The following FAM178B variants were observed in gnomAD, a reference collection of about 807,000 sequenced individuals.
FAM178B encodes protein FAM178B.
In FAM178B, 82 loss-of-function variants were observed where a neutral mutation model predicts 91.7. The observed-to-expected ratio is 0.89, with a 90% CI of 0.75 to 1.07. The LOEUF (loss-of-function observed/expected upper bound fraction) is 1.07, where lower values mean the gene tolerates loss of function less well. Ranked by LOEUF, FAM178B falls within the 50% of genes least tolerant of loss-of-function variation. FAM178B has a pLI of 0.00. For missense variants in FAM178B, 769 were observed against 846.7 expected (o/e 0.91, Z 1.14); for synonymous variants, 368 against 359.4 (o/e 1.02, Z -0.27).
intron 12 of FAM178B, among the ~76,000 whole-genome samples, chr2:96,913,530 G>C (rs1162774944): frequency 1.3e-5 from 2 of 152,194 alleles, no homozygotes; most frequent in Admixed American, 1.3e-4. Flanking sequence ...AGGGAAACGA[G>C]GGTTTCGAGG....
In FAM178B at chr2:96,967,521, T is replaced by C; in HGVS notation, c.733A>G (p.Arg245Gly). ...EEEVPLTPEH[R>G]MLVEKYSVSL... is the part of the protein sequence containing the mutation. ...TGGTGCCAGGCCCCTGCCCCTCACCTGTGCTCGGGTGTGAGTGGCACTTCC... is the reference window on the plus strand; with the variant it reads ...TGGTGCCAGGCCCCTGCCCCTCACCCGTGCTCGGGTGTGAGTGGCACTTCC... Residue 245 changes from arginine (R) to glycine (G), a missense_variant and splice_region_variant, in exon 5 of 17, where the codon AGG (arginine) becomes GGG (glycine). Coordinates refer to ENST00000490605, the MANE Select transcript of FAM178B (RefSeq NM_001122646.3). 1 of 1,540,454 alleles carries C rather than the reference T, an allele frequency of 6.5e-7. No homozygotes were observed.
In FAM178B at chr2:96,921,170, C is replaced by G. The variant is rs1241774381; in HGVS notation, c.1557G>C (p.Arg519=). 1 of 1,551,364 alleles carries G rather than the reference C, an allele frequency of 6.4e-7. No homozygotes were observed. The change falls in exon 12 of 17, where the codon CGG becomes CGC. Residue 519 remains arginine, a synonymous_variant. Coordinates refer to ENST00000490605, the MANE Select transcript of FAM178B (RefSeq NM_001122646.3). ...AGCGGGGGAGCAGCACGCACCTGCT[C>G]CGGGAGGTCATGTCTGGGAAGAACT... The part of the protein sequence containing the change: ...LVQFFPDMTS[R]SRRLRSQLSL...
At chr2:96,882,037 T>C (rs571759349) in intron 14 of FAM178B, among the ~76,000 whole-genome samples, 136 of 152,150 alleles carry the variant, frequency 8.9e-4, no homozygotes, top group South Asian at 4.8e-3. Flanking sequence ...GGGTTCCCAG[T>C]AGGGATTTTG....
chr2:96,951,281 G>T (rs1005579257), intron 7 of FAM178B, 98 bp downstream of exon 7: 4 of 839,756 alleles, frequency 4.8e-6, no homozygotes, highest in Non-Finnish European at 7.9e-6. Context: ...AGCACCTAAG[G>T]CAAGAAGAGG....
At chr2:96,901,663 TTGTGTTTAATGAG>T (rs1406494693) in intron 13 of FAM178B, among the ~76,000 whole-genome samples, 1 of 151,734 alleles carries the variant, frequency 6.6e-6, no homozygotes, top group East Asian at 1.9e-4. Flanking sequence ...TGTTGGGGGG[TTGTGTTTAATGAG>T]TGTGGAGTTT....
At chr2:96,903,608 C>CT (rs1283589596) in intron 12 of FAM178B, among the ~76,000 whole-genome samples, 3 of 152,254 alleles carry the variant, frequency 2.0e-5, no homozygotes, top group Non-Finnish European at 4.4e-5. Flanking sequence ...AGGGCCGCCA[C>CT]TACAGCCACT....
At chr2:96,883,850 C>T (rs1345000720) in intron 14 of FAM178B, among the ~76,000 whole-genome samples, 1 of 152,198 alleles carries the variant, frequency 6.6e-6, no homozygotes, top group African/African-American at 2.4e-5. Flanking sequence ...GCTCACAGCC[C>T]TAGCCTGGCT....
chr2:96,878,566 C>T (rs2080304075), intron 14 of FAM178B, 73 bp from the exon 15 acceptor site: 1 of 1,379,882 alleles, frequency 7.2e-7, no homozygotes, highest in Non-Finnish European at 1.0e-6. Flanking sequence ...TCCACCTGCA[C>T]ACTCCCCACT....
At chr2:96,930,184 G>C (rs2081514948) in intron 8 of FAM178B, among the ~76,000 whole-genome samples, 1 of 135,636 alleles carries the variant, frequency 7.4e-6, no homozygotes, top group Non-Finnish European at 1.5e-5. Flanking sequence ...CAGCAGCCTG[G>C]GTGACAGAGC....
chr2:96,983,272 C>G (rs1267733058), intron 1 of FAM178B, among the ~76,000 whole-genome samples: 1 of 152,182 alleles, frequency 6.6e-6, no homozygotes, highest in East Asian at 1.9e-4. Context: ...CATATATATA[C>G]ACATATACAT....
At chr2:96,885,050 GC>G (rs1400033890) in intron 14 of FAM178B, among the ~76,000 whole-genome samples, 1 of 152,240 alleles carries the variant, frequency 6.6e-6, no homozygotes, top group African/African-American at 2.4e-5. Context: ...GGTGGGGCCT[GC>G]CAGGCAAGAC....
At chr2:96,933,724 G>A (rs1311813981) in intron 8 of FAM178B, among the ~76,000 whole-genome samples, 50 of 152,166 alleles carry the variant, frequency 3.3e-4, no homozygotes, top group Admixed American at 3.3e-3. Flanking sequence ...GCACTGGGAG[G>A]GCCAAGCAGC....
rs1158497660 is a variant in FAM178B, at chr2:96,921,232, C to T, written c.1495G>A (p.Val499Met). 4 of 1,551,466 alleles carry T rather than the reference C, an allele frequency of 2.6e-6. No individual in the cohort carries two copies. Among genetic ancestry groups the T allele is most frequent in the Non-Finnish European group, 2.6e-6 (3 of 1,146,972 alleles). ...AGCAGGTTGTGGTGGTGGTCAGACA[C>T]CCAGCTCAGGGTGCAGCACAGTTCC... is the stretch of plus-strand genomic sequence containing the variant. Reference protein sequence around the residue: ...LQELCCTLSWVSDHHHNLLAL... With the variant: ...LQELCCTLSWMSDHHHNLLAL... The change falls in exon 12 of 17, where the codon GTG (valine) becomes ATG (methionine). Residue 499 changes from valine to methionine, a missense_variant. Transcript: ENST00000490605.
intron 13 of FAM178B, among the ~76,000 whole-genome samples, chr2:96,896,220 G>A (rs1219587520): frequency 2.0e-5 from 3 of 152,310 alleles, no homozygotes; most frequent in East Asian, 1.9e-4. Flanking sequence ...GGGCAGGGGC[G>A]CACAGGACAG....
rs773089442 is a variant in FAM178B at position 96,972,156 on chromosome 2, C to T, written c.309G>A (p.Gly103=). The T allele has an allele frequency of 6.5e-6, 10 of 1,543,346 alleles. No homozygotes were observed. In the South Asian group the frequency reaches 8.4e-5, roughly 13 times the overall value. The change falls in exon 3 of 17, where the codon GGG becomes GGA. Residue 103 remains glycine, a synonymous_variant. Transcript: ENST00000490605. The part of the protein sequence containing the change: ...SPKKPKIQAP[G]ETFPTDWSPP... ...GGCTCCAGTCAGTGGGAAACGTTTC[C>T]CCAGGTGCCTGTATCTTGGGCTTCT...
At chr2:96,950,065 C>T in intron 7 of FAM178B, 2 of 985,700 alleles carry the variant, frequency 2.0e-6, no homozygotes, top group East Asian at 1.1e-4. Context: ...CAGGGGAAGG[C>T]TCGTCTGTGC....
intron 13 of FAM178B, among the ~76,000 whole-genome samples, chr2:96,899,547 C>T (rs1211205170): frequency 2.0e-5 from 3 of 151,276 alleles, no homozygotes; most frequent in Non-Finnish European, 2.9e-5. Flanking sequence ...GGGGAGGCAG[C>T]GCCACTCCAT....
At chr2:96,942,870 C>T (rs2081757746) in intron 8 of FAM178B, among the ~76,000 whole-genome samples, 1 of 152,122 alleles carries the variant, frequency 6.6e-6, no homozygotes, top group Non-Finnish European at 1.5e-5. Flanking sequence ...TGATTTTCAA[C>T]AAGGGTGCCA....
intron 14 of FAM178B, among the ~76,000 whole-genome samples, chr2:96,888,261 C>A (rs1320859997): frequency 6.6e-6 from 1 of 152,246 alleles, no homozygotes; most frequent in Non-Finnish European, 1.5e-5. Context: ...CTCACAAGTT[C>A]TGAATATCCA....
Sources: gnomAD v4.1 joint callset for allele counts (sites outside exome capture counted in the v4.1 genomes callset) on GRCh38, gnomAD v4.1.1 for gene constraint, MANE v1.5 for transcripts, NCBI Gene and HGNC (gene_info 2026-07-23, HGNC 2026-07-21) for gene names.